The following FGGY variants were observed in gnomAD, a reference collection of about 807,000 sequenced individuals.
The protein encoded by FGGY is FGGY carbohydrate kinase domain-containing protein.
Under a neutral mutation model 71.3 loss-of-function variants are expected in FGGY, and 72 were observed. That is an observed-to-expected ratio of 1.01 (90% confidence interval 0.84 to 1.23). FGGY has a LOEUF of 1.23. Ranked by LOEUF, FGGY falls within the 50% of genes most tolerant of loss-of-function variation. The pLI is 0.00. For missense variants in FGGY, 668 were observed against 682.3 expected (o/e 0.98, Z 0.23); for synonymous variants, 251 against 250.3 (o/e 1.00, Z -0.02).
chr1:59,459,318 A>G (rs1019136583), intron 6 of FGGY, among the ~76,000 whole-genome samples: 1 of 152,232 alleles, frequency 6.6e-6, no homozygotes, highest in Admixed American at 6.5e-5. Flanking sequence ...ATAACATGCA[A>G]GTTTCTAAAG....
intron 11 of FGGY, among the ~76,000 whole-genome samples, chr1:59,641,797 A>G (rs1244262776): frequency 6.6e-6 from 1 of 152,248 alleles, no homozygotes; most frequent in Non-Finnish European, 1.5e-5. Context: ...ATAACATCAT[A>G]TATGACATAA....
chr1:59,658,451 T>G lies in FGGY; in HGVS notation c.1222-1768T>G, dbSNP rs2097242490. Among the ~76,000 whole-genome samples, 2 of 152,212 alleles carry G rather than the reference T, an allele frequency of 1.3e-5. 1 individual carries two copies. The highest frequency in any genetic ancestry group is 2.9e-5 in the Non-Finnish European group (2 of 68,042). ...CCATCATTCTAATCTGATTGCCCAATTATTTGCCAAGAAAAACTGTCAGCA... is the reference window on the plus strand; with the variant it reads ...CCATCATTCTAATCTGATTGCCCAAGTATTTGCCAAGAAAAACTGTCAGCA... On this transcript the variant is annotated intron_variant, in intron 11 of 15. Coordinates refer to ENST00000303721, the MANE Select transcript of FGGY (RefSeq NM_018291.5).
intron 14 of FGGY, among the ~76,000 whole-genome samples, chr1:59,692,942 A>G (rs943258839): frequency 3.3e-5 from 5 of 152,144 alleles, no homozygotes; most frequent in Admixed American, 2.6e-4. Flanking sequence ...CTTGAGTCTG[A>G]GCCTCACATC....
chr1:59,508,729 G>C lies in FGGY; in HGVS notation c.671-3582G>C, dbSNP rs570982831. ...GAGTCCAGATAGCCTATTCCTGAAG[G>C]CTGTGGTTCCAAATGAAAGATGGGA... is the stretch of plus-strand genomic sequence containing the variant. On this transcript the variant is annotated intron_variant, in intron 6 of 15. Coordinates refer to ENST00000303721, the MANE Select transcript of FGGY (RefSeq NM_018291.5). 9.2e-5 allele frequency among the ~76,000 whole-genome samples: 14 copies of C among 152,226 alleles called. No individual in the cohort carries two copies. The South Asian group carries it at 2.1e-3, about 23-fold the overall frequency.
At chr1:59,432,687 C>T (rs776339620) in intron 5 of FGGY, among the ~76,000 whole-genome samples, 2 of 152,200 alleles carry the variant, frequency 1.3e-5, no homozygotes, top group African/African-American at 2.4e-5. Flanking sequence ...TGGTACTCCA[C>T]CTCTGTAGTA....
intron 8 of FGGY, among the ~76,000 whole-genome samples, chr1:59,599,874 ATGG>A (rs1558501157): frequency 1.3e-5 from 2 of 152,030 alleles, no homozygotes; most frequent in Admixed American, 1.3e-4. Flanking sequence ...AATAAAAATG[ATGG>A]GGGCAGAGGA....
In FGGY at chr1:59,303,997, T is replaced by C. The variant is rs191631201; in HGVS notation, c.-15+6847T>C. The stretch of plus-strand genomic sequence containing the variant: ...ATATATTTTGGATTTTAAGCCCTTA[T>C]TGGGATATATGATTTGTAAATATTT... On this transcript the variant is annotated intron_variant, in intron 1 of 15. Coordinates refer to ENST00000303721, the MANE Select transcript of FGGY (RefSeq NM_018291.5). Among the ~76,000 whole-genome samples, 725 of 152,272 alleles carry C rather than the reference T, an allele frequency of 4.8e-3. 2 individuals carry two copies. The highest frequency in any genetic ancestry group is 7.2e-3 in the Non-Finnish European group (491 of 67,960).
At chr1:59,454,338 A>T (rs1205274403) in intron 5 of FGGY, among the ~76,000 whole-genome samples, 1 of 152,186 alleles carries the variant, frequency 6.6e-6, no homozygotes, top group Non-Finnish European at 1.5e-5. Context: ...GGAATTTCAG[A>T]TGTCATATGC....
chr1:59,410,806 A>T (rs1339971210), intron 5 of FGGY, among the ~76,000 whole-genome samples: 1 of 152,184 alleles, frequency 6.6e-6, no homozygotes, highest in African/African-American at 2.4e-5. Context: ...AAAAAATATT[A>T]TAATGTGTTC....
chr1:59,694,476 C>A (rs181433563), intron 14 of FGGY, among the ~76,000 whole-genome samples: 3 of 151,916 alleles, frequency 2.0e-5, no homozygotes, highest in Non-Finnish European at 4.4e-5. Flanking sequence ...TTGTCATGCC[C>A]AGTATGCATG....
chr1:59,758,005 T>C lies in FGGY; in HGVS notation c.1574+13T>C. 1 of 1,599,498 alleles carries C rather than the reference T, an allele frequency of 6.3e-7. No homozygotes were observed. The highest frequency in any genetic ancestry group is 8.6e-7 in the Non-Finnish European group (1 of 1,167,500). On this transcript the variant is annotated intron_variant, in intron 15 of 15. Transcript: ENST00000303721. ...TACAGGATAAAAAGTAAGTGTGTAT[T>C]TTTTATATGTACAGTGCTAAGGAAG... is the stretch of plus-strand genomic sequence containing the variant.
intron 5 of FGGY, among the ~76,000 whole-genome samples, chr1:59,416,361 A>G (rs1225505340): frequency 1.3e-5 from 2 of 152,160 alleles, no homozygotes; most frequent in Non-Finnish European, 2.9e-5. Flanking sequence ...AAAGGAAAAG[A>G]CTGTCTGGAA....
chr1:59,424,166 A>G (rs1035172778), intron 5 of FGGY, among the ~76,000 whole-genome samples: 2 of 152,276 alleles, frequency 1.3e-5, no homozygotes, highest in African/African-American at 2.4e-5. Flanking sequence ...TGTCTTCAGT[A>G]CCATTCTAAA....
chr1:59,518,248 G>T (rs1197980747), intron 7 of FGGY, among the ~76,000 whole-genome samples: 2 of 152,148 alleles, frequency 1.3e-5, no homozygotes, highest in Non-Finnish European at 2.9e-5. Context: ...CACATAGTTT[G>T]TTCCAGTAAA....
At chr1:59,700,213 C>T (rs1022561745) in intron 14 of FGGY, among the ~76,000 whole-genome samples, 10 of 152,198 alleles carry the variant, frequency 6.6e-5, no homozygotes, top group African/African-American at 2.4e-4. Flanking sequence ...AGAATCATTT[C>T]AAAAAGAAAA....
At chr1:59,462,732 G>C (rs1572452407) in intron 6 of FGGY, among the ~76,000 whole-genome samples, 1 of 152,134 alleles carries the variant, frequency 6.6e-6, no homozygotes, top group Admixed American at 6.5e-5. Flanking sequence ...TGCCATCAGA[G>C]AAATGCAAAT....
intron 11 of FGGY, among the ~76,000 whole-genome samples, chr1:59,643,956 C>T (rs1273205464): frequency 2.0e-5 from 3 of 152,186 alleles, no homozygotes; most frequent in African/African-American, 7.2e-5. Context: ...CTTTGCAAAA[C>T]GCATGGAGGA....
At chr1:59,587,881 G>A (rs1004645764) in intron 8 of FGGY, among the ~76,000 whole-genome samples, 1 of 152,182 alleles carries the variant, frequency 6.6e-6, no homozygotes, top group Non-Finnish European at 1.5e-5. Context: ...ACTCTAAAAA[G>A]CAGAGCACCT....
At chr1:59,372,863 T>C (rs2057938506) in intron 4 of FGGY, among the ~76,000 whole-genome samples, 1 of 152,050 alleles carries the variant, frequency 6.6e-6, no homozygotes, top group Non-Finnish European at 1.5e-5. Flanking sequence ...TCAACAACCC[T>C]TCATGCTAAA....
Sources: gnomAD v4.1 joint callset for allele counts (sites outside exome capture counted in the v4.1 genomes callset) on GRCh38, gnomAD v4.1.1 for gene constraint, MANE v1.5 for transcripts, NCBI Gene and HGNC (gene_info 2026-07-23, HGNC 2026-07-21) for gene names.